The following CR1 variants were observed in gnomAD, a reference collection of about 807,000 sequenced individuals.
CR1 encodes complement C3b/C4b receptor 1 (Knops blood group), also known as complement receptor type 1.
A neutral mutation model predicts 187.3 loss-of-function variants in CR1; 116 were observed. That is an observed-to-expected ratio of 0.62 (90% CI 0.53 to 0.72). The LOEUF (loss-of-function observed/expected upper bound fraction) is 0.72. Among genes scored for constraint, CR1 ranks in the 30% least tolerant of loss-of-function variants. The probability of loss-of-function intolerance (pLI) is 0.00; values close to 1 mark genes in which losing one functional copy is unlikely to be tolerated. For synonymous variants in CR1, 576 were observed against 747.1 expected (o/e 0.77, Z 3.73); for missense variants, 1,731 against 2,110.7 (o/e 0.82, Z 3.52).
At chr1:207,593,033 A>T (rs1455075539) in intron 35 of CR1, among the ~76,000 whole-genome samples, 1 of 149,746 alleles carries the variant, frequency 6.7e-6, no homozygotes, top group Non-Finnish European at 1.5e-5. Flanking sequence ...GGTAATTTAT[A>T]CAGTCAATGC....
In CR1 at chr1:207,575,666, C is replaced by A; in HGVS notation, c.4523C>A (p.Pro1508Gln). 6.2e-7 allele frequency: 1 copy of A among 1,611,806 alleles called. No individual in the cohort carries two copies. Among genetic ancestry groups the A allele is most frequent in the East Asian group, 2.2e-5 (1 of 44,884 alleles). Residue 1508 changes from proline to glutamine, a missense_variant, in exon 28 of 47, where the codon CCG (proline) becomes CAG (glutamine). By Grantham distance (76) the Pro-to-Gln change is moderately conservative. Around this residue, in one of 5 missense-constraint regions of CR1, gnomAD observed 1,312 missense variants for 1,379.6 expected, o/e 0.95. Coordinates refer to ENST00000367049, the MANE Select transcript of CR1 (RefSeq NM_000651.6). ...SGNTAHWSTK[P>Q]PICQRIPCGL... The stretch of plus-strand genomic sequence containing the variant: ...AATACTGCCCATTGGAGCACGAAGC[C>A]GCCAATTTGTCAACGTGAGTTGAAA...
chr1:207,595,165 G>A (rs1571573672), intron 35 of CR1, among the ~76,000 whole-genome samples: 1 of 146,092 alleles, frequency 6.8e-6, no homozygotes, highest in East Asian at 2.0e-4. Flanking sequence ...AAACACCAAA[G>A]GGATAATGAA....
At chr1:207,510,967 A>C (rs1659595933) in intron 3 of CR1, among the ~76,000 whole-genome samples, 1 of 151,842 alleles carries the variant, frequency 6.6e-6, no homozygotes, top group African/African-American at 2.4e-5. Context: ...GACTACAGGA[A>C]TGTGCCACCA....
chr1:207,587,527 A>G lies in CR1; in HGVS notation c.5672A>G (p.Glu1891Gly). Residue 1891 changes from glutamate (E) to glycine (G), a missense_variant, in exon 34 of 47, where the codon GAA (glutamate) becomes GGA (glycine). Coordinates refer to ENST00000367049, the MANE Select transcript of CR1 (RefSeq NM_000651.6). ...FGKMFSISCL[E>G]NLVWSSVEDN... The stretch of plus-strand genomic sequence containing the variant: ...AAAATGTTCTCTATCTCCTGCCTAG[A>G]AAACTTGGTCTGGTCAAGTGTTGAA... 6.2e-7 allele frequency: 1 copy of G among 1,613,936 alleles called. No individual in the cohort carries two copies. Among genetic ancestry groups the G allele is most frequent in the Non-Finnish European group, 8.5e-7 (1 of 1,179,816 alleles).
chr1:207,601,188 C>A (rs1030510825), intron 35 of CR1, among the ~76,000 whole-genome samples: 2 of 151,924 alleles, frequency 1.3e-5, no homozygotes, highest in African/African-American at 4.8e-5. Context: ...ATTGTCATTT[C>A]ACAAAATAAC....
chr1:207,524,038 C>T, intron 5 of CR1, 29 bp downstream of exon 5: 1 of 1,611,736 alleles, frequency 6.2e-7, no homozygotes, highest in Non-Finnish European at 8.5e-7. Flanking sequence ...TAGAAGGGCC[C>T]TGCCAGTGAC....
chr1:207,615,774 A>C (rs1662073585), intron 40 of CR1, among the ~76,000 whole-genome samples: 1 of 152,246 alleles, frequency 6.6e-6, no homozygotes. Context: ...CCTTACAGAG[A>C]CACATAGAGC....
chr1:207,544,757 A>C (rs1357517911), intron 13 of CR1, among the ~76,000 whole-genome samples: 1 of 147,918 alleles, frequency 6.8e-6, no homozygotes, highest in Non-Finnish European at 1.5e-5. Flanking sequence ...TGAAGAGAGG[A>C]GACCCATAGT....
chr1:207,611,590 G>T, intron 37 of CR1, 87 bp from the exon 38 acceptor site: 1 of 1,548,690 alleles, frequency 6.5e-7, no homozygotes, highest in South Asian at 1.2e-5. Context: ...CTGCAATGAC[G>T]ATTTTTAAGC....
chr1:207,582,878 G>T (rs754600565), intron 32 of CR1, among the ~76,000 whole-genome samples: 7 of 152,350 alleles, frequency 4.6e-5, no homozygotes, highest in East Asian at 1.9e-4. Context: ...AAATGCAGGG[G>T]ACTGCATGAA....
chr1:207,513,202 G>A (rs1161476281), intron 4 of CR1, among the ~76,000 whole-genome samples: 1 of 152,142 alleles, frequency 6.6e-6, no homozygotes, highest in Non-Finnish European at 1.5e-5. Flanking sequence ...CAATAACAAT[G>A]TCCTCTTCAA....
At chr1:207,582,126 T>G (rs1335058801) in intron 32 of CR1, 123 bp downstream of exon 32, 1 of 583,182 alleles carries the variant, frequency 1.7e-6, no homozygotes, top group Non-Finnish European at 3.0e-6. Flanking sequence ...AAATTGTTCT[T>G]TGTTGGAATA....
chr1:207,574,798 C>T (rs1746657), intron 27 of CR1, among the ~76,000 whole-genome samples: 10,734 of 152,120 alleles, frequency 0.071, 1,279 homozygotes, highest in African/African-American at 0.24. Context: ...AATATACATG[C>T]ACATATATAA....
At chr1:207,594,422 C>T (rs1194076175) in intron 35 of CR1, among the ~76,000 whole-genome samples, 1 of 151,870 alleles carries the variant, frequency 6.6e-6, no homozygotes, top group Non-Finnish European at 1.5e-5. Context: ...ATGGACACAC[C>T]GAGGGGAACA....
At chr1:207,514,181 A>G (rs1476084941) in intron 4 of CR1, among the ~76,000 whole-genome samples, 1 of 152,088 alleles carries the variant, frequency 6.6e-6, no homozygotes, top group Non-Finnish European at 1.5e-5. Flanking sequence ...ACATTCTTAA[A>G]ATAAATCAAC....
rs1299276068 is a variant in CR1 at position 207,524,008 on chromosome 1, G to A, written c.885G>A (p.Arg295=). Residue 295 remains arginine, a splice_region_variant and synonymous_variant, in exon 5 of 47, where the codon AGG becomes AGA. Coordinates refer to ENST00000367049, the MANE Select transcript of CR1 (RefSeq NM_000651.6). ...AGCCGGAGCTACCAAGCTGCTCCAG[G>A]GGTGAGTCTGACTGAGGCCTAGAAG... ...KWEPELPSCS[R]VCQPPPDVLH... 1 of 1,611,654 alleles carries A rather than the reference G, an allele frequency of 6.2e-7. No individual in the cohort carries two copies. The highest frequency in any genetic ancestry group is 1.3e-5 in the African/African-American group (1 of 74,768).
intron 46 of CR1, among the ~76,000 whole-genome samples, chr1:207,635,480 G>T (rs1662784677): frequency 6.6e-6 from 1 of 152,148 alleles, no homozygotes; most frequent in Non-Finnish European, 1.5e-5. Flanking sequence ...CTGCCTGCAT[G>T]TCCCACCTCC....
At chr1:207,631,236 G>T (rs577833745) in intron 46 of CR1, among the ~76,000 whole-genome samples, 71 of 152,320 alleles carry the variant, frequency 4.7e-4, no homozygotes, top group Non-Finnish European at 9.3e-4. Context: ...ATCAAAAGTG[G>T]TATGTATCAA....
intron 32 of CR1, among the ~76,000 whole-genome samples, chr1:207,582,614 C>A (rs1203493381): frequency 6.6e-6 from 1 of 152,186 alleles, no homozygotes; most frequent in Non-Finnish European, 1.5e-5. Context: ...TGTAGCCCAG[C>A]AAACCTCTGG....
Sources: allele counts gnomAD v4.1 joint callset (sites outside exome capture counted in the v4.1 genomes callset), GRCh38; gene constraint gnomAD v4.1.1; regional missense constraint gnomAD v4.1.1; transcripts MANE v1.5; gene names NCBI Gene and HGNC (gene_info 2026-07-23, HGNC 2026-07-21).